ASIC2: variants seen among roughly 807,000 people sequenced by gnomAD.
ASIC2 encodes the protein acid sensing ion channel subunit 2, also known as acid-sensing ion channel 2.
In ASIC2, 25 loss-of-function variants were observed where a neutral mutation model predicts 57.3. That is an observed-to-expected ratio of 0.44 (90% confidence interval 0.32 to 0.61). The LOEUF (loss-of-function observed/expected upper bound fraction) is 0.61. Ranked by LOEUF, ASIC2 falls within the 20% of genes least tolerant of loss-of-function variation. The probability of loss-of-function intolerance (pLI) is 0.06; values close to 1 mark genes in which losing one functional copy is unlikely to be tolerated. For synonymous variants in ASIC2, 319 were observed against 307.5 expected (o/e 1.04, Z -0.39); for missense variants, 641 against 738.1 (o/e 0.87, Z 1.52).
At chr17:33,710,221 A>G (rs138190525) in intron 1 of ASIC2, among the ~76,000 whole-genome samples, 2 of 152,348 alleles carry the variant, frequency 1.3e-5, no homozygotes, top group African/African-American at 4.8e-5. Context: ...CTGTTTCCCT[A>G]GAAAGCACAA....
rs544696497 is a variant in ASIC2, at chr17:33,435,533, C to A, written c.556-323466G>T. ...ATAATTACCCAGGCCCTCCTACCCC[C>A]ACTGCCGCCATACAAATATATGTCA... On this transcript the variant is annotated intron_variant, in intron 1 of 9. Transcript: ENST00000359872. Among the ~76,000 whole-genome samples the A allele has an allele frequency of 6.6e-5, 10 of 152,304 alleles. No homozygotes were observed. The South Asian group carries it at 2.1e-3, about 32-fold the overall frequency.
intron 1 of ASIC2, among the ~76,000 whole-genome samples, chr17:33,700,555 T>G (rs1057199046): frequency 7.9e-5 from 12 of 152,120 alleles, no homozygotes; most frequent in African/African-American, 2.9e-4. Context: ...ATTATCAGAA[T>G]GGAGAAATAA....
At chr17:33,268,341 TCATCCATCCATC>T (rs35123270) in intron 1 of ASIC2, among the ~76,000 whole-genome samples, 13,237 of 147,892 alleles carry the variant, frequency 0.09, 723 homozygotes, top group South Asian at 0.23. Flanking sequence ...CATCTTTCCA[TCATCCATCCATC>T]CATCCATCCA....
chr17:33,233,333 C>T (rs1380833453), intron 1 of ASIC2, among the ~76,000 whole-genome samples: 16 of 151,890 alleles, frequency 1.1e-4, no homozygotes, highest in Admixed American at 3.3e-4. Context: ...CCTGGCTGTG[C>T]GACAGTGCCC....
At chr17:33,073,597 G>T (rs9893346) in intron 3 of ASIC2, among the ~76,000 whole-genome samples, 1 of 152,228 alleles carries the variant, frequency 6.6e-6, no homozygotes, top group Non-Finnish European at 1.5e-5. Flanking sequence ...TGGGGATCCC[G>T]AGAGACTAAG....
chr17:33,087,846 A>G (rs1443273136), intron 3 of ASIC2, among the ~76,000 whole-genome samples: 1 of 151,982 alleles, frequency 6.6e-6, no homozygotes, highest in Non-Finnish European at 1.5e-5. Flanking sequence ...GGCGTGAACC[A>G]CCGTGCCCGG....
Position 33,024,025 on chromosome 17 carries a change from G to T in ASIC2, c.1196-11C>A. The T allele has an allele frequency of 6.2e-7, 1 of 1,614,088 alleles. No individual in the cohort carries two copies. Among genetic ancestry groups the T allele is most frequent in the South Asian group, 1.1e-5 (1 of 91,068 alleles). On this transcript the variant is annotated splice_polypyrimidine_tract_variant and intron_variant, in intron 5 of 9. Transcript: ENST00000225823. The stretch of plus-strand genomic sequence containing the variant: ...TTTCCGCCAACAGACCTGGAGGGGA[G>T]AGTGAGGTGGGGCTTAGTCAGGTGT...
intron 1 of ASIC2, among the ~76,000 whole-genome samples, chr17:34,041,691 C>A (rs915113408): frequency 2.2e-4 from 33 of 152,312 alleles, no homozygotes; most frequent in African/African-American, 7.5e-4. Context: ...CTCAGTGGGG[C>A]TAACACTTGG....
At chr17:33,324,943 G>C (rs1043963251) in intron 1 of ASIC2, among the ~76,000 whole-genome samples, 1 of 152,180 alleles carries the variant, frequency 6.6e-6, no homozygotes, top group East Asian at 1.9e-4. Flanking sequence ...TGACAGTCTG[G>C]GATTCCTGCC....
Position 33,117,948 on chromosome 17 carries a change from G to C in ASIC2, c.709-5881C>G, listed in dbSNP as rs561282904. On this transcript the variant is annotated intron_variant, in intron 1 of 9. Coordinates refer to ENST00000225823, the MANE Select transcript of ASIC2 (RefSeq NM_183377.2). ...CAAGCTCATCTTAAAGTAGTTAGAG[G>C]GGAAGAAAACAGCCACATGCCCCTG... is the stretch of plus-strand genomic sequence containing the variant. 7.1e-4 allele frequency among the ~76,000 whole-genome samples: 108 copies of C among 152,134 alleles called. 1 individual carries two copies. Among genetic ancestry groups the C allele is most frequent in the Middle Eastern group, 3.2e-3 (1 of 316 alleles).
intron 1 of ASIC2, among the ~76,000 whole-genome samples, chr17:33,425,567 C>T (rs1016269819): frequency 3.3e-5 from 5 of 151,988 alleles, no homozygotes; most frequent in African/African-American, 1.2e-4. Context: ...ATTGCAGCTA[C>T]AGGAATGGGC....
chr17:33,960,041 C>T (rs1904869580), intron 1 of ASIC2, among the ~76,000 whole-genome samples: 1 of 152,236 alleles, frequency 6.6e-6, no homozygotes, highest in Admixed American at 6.5e-5. Context: ...GTGATCCAGC[C>T]TGACCCATCA....
intron 1 of ASIC2, among the ~76,000 whole-genome samples, chr17:34,141,090 G>A (rs548925936): frequency 6.6e-6 from 1 of 152,106 alleles, no homozygotes; most frequent in East Asian, 1.9e-4. Flanking sequence ...CATATCTGGT[G>A]TCTTCAAGAG....
At chr17:33,046,980 T>G (rs776138147) in intron 3 of ASIC2, among the ~76,000 whole-genome samples, 21 of 152,240 alleles carry the variant, frequency 1.4e-4, no homozygotes, top group Non-Finnish European at 2.6e-4. Context: ...CTGGATGAGT[T>G]TCTTCCCTGC....
intron 1 of ASIC2, among the ~76,000 whole-genome samples, chr17:33,771,744 T>G (rs1264842968): frequency 1.3e-5 from 2 of 152,232 alleles, no homozygotes; most frequent in Non-Finnish European, 2.9e-5. Flanking sequence ...TGATACATAA[T>G]GATTGTACAT....
At chr17:33,622,197 A>G (rs1905822136) in intron 1 of ASIC2, among the ~76,000 whole-genome samples, 1 of 152,076 alleles carries the variant, frequency 6.6e-6, no homozygotes, top group East Asian at 1.9e-4. Context: ...ACAAAGTGCT[A>G]CAGAAGCTTA....
At chr17:33,589,419 T>C (rs554634093) in intron 1 of ASIC2, among the ~76,000 whole-genome samples, 4 of 152,276 alleles carry the variant, frequency 2.6e-5, no homozygotes, top group Admixed American at 2.0e-4. Context: ...TCAGAGGCAT[T>C]GAGTACATAC....
At chr17:34,091,805 G>GT (rs1567817555) in intron 1 of ASIC2, among the ~76,000 whole-genome samples, 1 of 152,208 alleles carries the variant, frequency 6.6e-6, no homozygotes, top group Non-Finnish European at 1.5e-5. Context: ...AGTGTAAAGA[G>GT]TATGTACAGG....
In ASIC2 at chr17:34,036,517, T is replaced by C. The variant is rs191701374; in HGVS notation, c.555+119461A>G. ...TGCACACGTACCCTAAAACTTAAAG[T>C]ATAATAATAATAAAATAAAATAAAA... On this transcript the variant is annotated intron_variant, in intron 1 of 9. Transcript: ENST00000359872. Among the ~76,000 whole-genome samples, 7 of 150,830 alleles carry C rather than the reference T, an allele frequency of 4.6e-5. No individual in the cohort carries two copies. In the East Asian group the frequency reaches 1.2e-3, roughly 25 times the overall value.
Sources: allele counts gnomAD v4.1 joint callset (sites outside exome capture counted in the v4.1 genomes callset), GRCh38; gene constraint gnomAD v4.1.1; transcripts MANE v1.5; gene names NCBI Gene and HGNC (gene_info 2026-07-23, HGNC 2026-07-21).